The following ELP2 variants were observed in gnomAD, a reference collection of about 807,000 sequenced individuals.
ELP2 encodes elongator complex protein 2.
Under a neutral mutation model 119.2 loss-of-function variants are expected in ELP2, and 90 were observed. The ratio of observed to expected loss-of-function variants is 0.75; its 90% CI spans 0.64 to 0.90. The LOEUF (loss-of-function observed/expected upper bound fraction) is 0.90. ELP2 is among the 40% of genes least tolerant of loss of function. ELP2 has a pLI of 0.00. For missense variants in ELP2, 921 were observed against 967.8 expected (o/e 0.95, Z 0.64); for synonymous variants, 339 against 331.0 (o/e 1.02, Z -0.26).
In ELP2 at chr18:36,146,372, A is replaced by G; in HGVS notation, c.1116A>G (p.Thr372=). The part of the protein sequence containing the change: ...HGALHLWKQN[T]VNPREWTPEI... ...CGTTGCACCTTTGGAAACAGAATAC[A>G]GTTAACCCAGTAAGAAAAGAGTGTT... Residue 372 remains threonine, a synonymous_variant, in exon 11 of 22, where the codon ACA becomes ACG. Coordinates refer to ENST00000358232, the MANE Select transcript of ELP2 (RefSeq NM_018255.4). 6.2e-7 allele frequency: 1 copy of G among 1,613,930 alleles called. No individual in the cohort carries two copies. Among genetic ancestry groups the G allele is most frequent in the Non-Finnish European group, 8.5e-7 (1 of 1,179,792 alleles).
At chr18:36,159,924 T>G (rs369453334) in intron 15 of ELP2, 34 bp from the exon 16 acceptor site, 9 of 1,612,666 alleles carry the variant, frequency 5.6e-6, no homozygotes, top group Non-Finnish European at 7.6e-6. Flanking sequence ...GAATTCACTT[T>G]TACATAGAAA....
At chr18:36,172,654 C>G (rs1223308211) in intron 21 of ELP2, among the ~76,000 whole-genome samples, 1 of 152,178 alleles carries the variant, frequency 6.6e-6, no homozygotes, top group Non-Finnish European at 1.5e-5. Context: ...TTGAAATTTT[C>G]TCTCTTCCTG....
rs754256279 is a variant in ELP2, at chr18:36,129,933, C to G, written c.-1C>G. The G allele has an allele frequency of 6.2e-7, 1 of 1,614,114 alleles. No homozygotes were observed. Among genetic ancestry groups the G allele is most frequent in the South Asian group, 1.1e-5 (1 of 91,096 alleles). Reference sequence around the variant, plus strand: ...GTTTGTGCGGCTGACCAGTTGGCGACATGGTGGCACCCGTGCTGGAGACTT... The same window carrying G: ...GTTTGTGCGGCTGACCAGTTGGCGAGATGGTGGCACCCGTGCTGGAGACTT... On this transcript the variant is annotated 5_prime_UTR_variant, in exon 1 of 22. Coordinates refer to ENST00000358232, the MANE Select transcript of ELP2 (RefSeq NM_018255.4).
chr18:36,146,382 G>C lies in ELP2; in HGVS notation c.1125+1G>C. ...TTGGAAACAGAATACAGTTAACCCA[G>C]TAAGAAAAGAGTGTTTAAATAAAGC... On this transcript the variant is annotated splice_donor_variant, in intron 11 of 21. Coordinates refer to ENST00000358232, the MANE Select transcript of ELP2 (RefSeq NM_018255.4). LOFTEE classifies it high-confidence loss of function. The C allele has an allele frequency of 6.2e-7, 1 of 1,613,862 alleles. No individual in the cohort carries two copies. The highest frequency in any genetic ancestry group is 1.3e-5 in the African/African-American group (1 of 75,026).
intron 11 of ELP2, 150 bp downstream of exon 11, chr18:36,146,531 A>G (rs759623941): frequency 1.3e-5 from 11 of 817,966 alleles, no homozygotes; most frequent in Non-Finnish European, 1.9e-5. Context: ...TTGTTAAGGT[A>G]TTGAAATTTG....
At chr18:36,161,657 A>G (rs2090746287) in intron 17 of ELP2, among the ~76,000 whole-genome samples, 2 of 152,196 alleles carry the variant, frequency 1.3e-5, no homozygotes, top group Admixed American at 1.3e-4. Context: ...TCTGAAACCC[A>G]CACATTCGTC....
intron 18 of ELP2, chr18:36,165,318 T>A (rs1598823839): frequency 6.6e-6 from 1 of 151,832 alleles, no homozygotes; most frequent in Non-Finnish European, 1.5e-5. Flanking sequence ...TGTAGTTGGG[T>A]CAGTGGCCTA....
At chr18:36,137,902 C>G (rs1463155776) in intron 3 of ELP2, among the ~76,000 whole-genome samples, 1 of 150,750 alleles carries the variant, frequency 6.6e-6, no homozygotes, top group African/African-American at 2.4e-5. Context: ...AAAACCTGGA[C>G]AAACTGAAAT....
At chr18:36,131,343 G>C (rs1240621124) in intron 1 of ELP2, among the ~76,000 whole-genome samples, 1 of 152,202 alleles carries the variant, frequency 6.6e-6, no homozygotes, top group Non-Finnish European at 1.5e-5. Flanking sequence ...ACTTTAAAGG[G>C]ACCATGAGGC....
chr18:36,159,927 C>T (rs756940214), intron 15 of ELP2, 31 bp from the exon 16 acceptor site: 4 of 1,612,556 alleles, frequency 2.5e-6, no homozygotes, highest in Non-Finnish European at 3.4e-6. Flanking sequence ...TTCACTTTTA[C>T]ATAGAAAAAA....
rs1598769024 is a variant in ELP2, at chr18:36,147,181, C to T, written c.1125+800C>T. The stretch of plus-strand genomic sequence containing the variant: ...CTCATTCTCCTGGGGTTAAGCCATC[C>T]TCACGCTTCAACTTCCTGAGTAGCT... On this transcript the variant is annotated intron_variant, in intron 11 of 21. Transcript: ENST00000358232. Among the ~76,000 whole-genome samples, 2 of 151,356 alleles carry T rather than the reference C, an allele frequency of 1.3e-5. 1 individual carries two copies. Among genetic ancestry groups the T allele is most frequent in the South Asian group, 4.2e-4 (2 of 4,794 alleles).
chr18:36,156,938 G>A (rs1441168846), intron 13 of ELP2, among the ~76,000 whole-genome samples: 3 of 152,066 alleles, frequency 2.0e-5, no homozygotes, highest in African/African-American at 7.2e-5. Context: ...ACCTAGAATA[G>A]AACAAAATAA....
chr18:36,149,612 C>A (rs757086281), intron 11 of ELP2, among the ~76,000 whole-genome samples: 2 of 148,424 alleles, frequency 1.3e-5, no homozygotes, highest in South Asian at 4.3e-4. Context: ...TTTTTTGAGG[C>A]GATTTGGGGA....
chr18:36,157,963 TC>T (rs2090622256), intron 13 of ELP2, among the ~76,000 whole-genome samples: 1 of 152,186 alleles, frequency 6.6e-6, no homozygotes, highest in African/African-American at 2.4e-5. Flanking sequence ...TAGTTCTGTG[TC>T]CTAAGATACA....
At chr18:36,136,084 A>C (rs962219483) in intron 2 of ELP2, among the ~76,000 whole-genome samples, 1 of 152,176 alleles carries the variant, frequency 6.6e-6, no homozygotes, top group Non-Finnish European at 1.5e-5. Context: ...AGGATCAGAG[A>C]TCACAGTGTC....
chr18:36,163,074 T>G (rs2090787792), intron 17 of ELP2, among the ~76,000 whole-genome samples: 1 of 152,090 alleles, frequency 6.6e-6, no homozygotes, highest in Admixed American at 6.6e-5. Context: ...CCTTTTTGAT[T>G]CTCCAGTGTC....
At chr18:36,162,053 AG>A (rs139911258) in intron 17 of ELP2, among the ~76,000 whole-genome samples, 10,446 of 152,240 alleles carry the variant, frequency 0.069, 441 homozygotes, top group Middle Eastern at 0.095. Context: ...AGCTTTATTT[AG>A]GGTTATTAAC....
At chr18:36,149,667 T>G (rs1383906814) in intron 11 of ELP2, among the ~76,000 whole-genome samples, 1 of 152,000 alleles carries the variant, frequency 6.6e-6, no homozygotes, top group East Asian at 1.9e-4. Flanking sequence ...ATTCCTCCTT[T>G]GGTAAGAACC....
At chr18:36,157,760 A>G (rs890014990) in intron 13 of ELP2, among the ~76,000 whole-genome samples, 8 of 152,198 alleles carry the variant, frequency 5.3e-5, no homozygotes, top group African/African-American at 1.9e-4. Context: ...AAGAGGATTT[A>G]AGATTCTGTT....
Sources: allele counts gnomAD v4.1 joint callset (sites outside exome capture counted in the v4.1 genomes callset), GRCh38; gene constraint gnomAD v4.1.1; transcripts MANE v1.5; gene names NCBI Gene and HGNC (gene_info 2026-07-23, HGNC 2026-07-21).